Variants in MCF2L2 observed in about 807,000 individuals in gnomAD.
MCF2L2 encodes the protein probable guanine nucleotide exchange factor MCF2L2.
In MCF2L2, 102 loss-of-function variants were observed where a neutral mutation model predicts 150.2. The ratio of observed to expected loss-of-function variants is 0.68; its 90% CI spans 0.58 to 0.80. The LOEUF (loss-of-function observed/expected upper bound fraction) is 0.80, where lower values mean the gene tolerates loss of function less well. Among genes scored for constraint, MCF2L2 ranks in the 30% least tolerant of loss-of-function variants. MCF2L2 has a pLI of 0.00. For missense variants in MCF2L2, 1,256 were observed against 1,372.8 expected (o/e 0.91, Z 1.34); for synonymous variants, 465 against 491.3 (o/e 0.95, Z 0.71).
At chr3:183,245,421 C>G (rs1724206174) in intron 15 of MCF2L2, among the ~76,000 whole-genome samples, 1 of 152,042 alleles carries the variant, frequency 6.6e-6, no homozygotes, top group Non-Finnish European at 1.5e-5. Context: ...TCCAGGCTGC[C>G]CAGAGCAGAG....
chr3:183,282,639 T>C (rs1036167906), intron 14 of MCF2L2, among the ~76,000 whole-genome samples: 1 of 152,034 alleles, frequency 6.6e-6, no homozygotes, highest in Non-Finnish European at 1.5e-5. Flanking sequence ...AAGCTGCCCG[T>C]ACATCTTTGA....
intron 3 of MCF2L2, among the ~76,000 whole-genome samples, chr3:183,362,634 T>C (rs545077385): frequency 1.3e-5 from 2 of 150,948 alleles, no homozygotes; most frequent in African/African-American, 4.9e-5. Flanking sequence ...AGGATACAAA[T>C]CCCTTCCCTT....
At chr3:183,188,348 G>A (rs1721767915) in intron 27 of MCF2L2, among the ~76,000 whole-genome samples, 1 of 152,198 alleles carries the variant, frequency 6.6e-6, no homozygotes, top group South Asian at 2.1e-4. Flanking sequence ...TGGAGACATG[G>A]GGAGAAAACA....
chr3:183,272,267 A>G (rs1726844425), intron 15 of MCF2L2: 7 of 1,000,278 alleles, frequency 7.0e-6, no homozygotes, highest in Non-Finnish European at 8.4e-6. Flanking sequence ...CCTTCACTAC[A>G]GAAAGAACTA....
chr3:183,402,831 G>A (rs555667266), intron 1 of MCF2L2, among the ~76,000 whole-genome samples: 51 of 151,578 alleles, frequency 3.4e-4, no homozygotes, highest in African/African-American at 1.1e-3. Flanking sequence ...AAATGCTACC[G>A]AGGAAACTGA....
intron 1 of MCF2L2, among the ~76,000 whole-genome samples, chr3:183,390,305 TAAGGGGCCTCTTCCTACTGCTA>T (rs1228627993): frequency 6.6e-6 from 1 of 152,178 alleles, no homozygotes; most frequent in East Asian, 1.9e-4. Flanking sequence ...CAGAATACTT[TAAGGGGCCTCTTCCTACTGCTA>T]AATGTATATA....
Position 183,216,574 on chromosome 3 carries a change from ATATATATTTTTTTTTTTTTTTTTTTTTT to A in MCF2L2, c.2371-508_2371-481del, listed in dbSNP as rs1365093674. ...ATATTATATATATATATATATATAT[ATATATATTTTTTTTTTTTTTTTTTTTTT>A]TTTTTTTTTTTTTTGAGAGCGAGAG... On this transcript the variant is annotated intron_variant, in intron 21 of 29. Coordinates refer to ENST00000328913, the MANE Select transcript of MCF2L2 (RefSeq NM_015078.4). Among the ~76,000 whole-genome samples the A allele has an allele frequency of 5.0e-4, 27 of 54,450 alleles. 3 individuals are homozygous for A. The highest frequency in any genetic ancestry group is 1.7e-3 in the East Asian group (5 of 2,900). The allele number at this position is 54,450 out of a possible 152,430, so 35.7% of individuals were successfully genotyped here. A position where few individuals can be genotyped will look rare whatever the true frequency, so the allele number is the denominator to read the frequency against.
intron 2 of MCF2L2, among the ~76,000 whole-genome samples, chr3:183,388,158 T>A (rs1713941384): frequency 6.6e-6 from 1 of 152,242 alleles, no homozygotes; most frequent in South Asian, 2.1e-4. Context: ...TAAATTTGGA[T>A]CATAAATGTA....
At chr3:183,336,191 AAC>A (rs1288765482) in intron 5 of MCF2L2, among the ~76,000 whole-genome samples, 8 of 136,182 alleles carry the variant, frequency 5.9e-5, no homozygotes, top group African/African-American at 2.7e-4. Context: ...ATTCTAAGTA[AAC>A]ATAAATATAT....
At chr3:183,339,253 C>T (rs1460190022) in intron 4 of MCF2L2, among the ~76,000 whole-genome samples, 1 of 152,148 alleles carries the variant, frequency 6.6e-6, no homozygotes, top group Non-Finnish European at 1.5e-5. Context: ...TATAGCCATA[C>T]TTAATATTTC....
At chr3:183,310,884 A>T in intron 9 of MCF2L2, 31 bp downstream of exon 9, 1 of 1,492,610 alleles carries the variant, frequency 6.7e-7, no homozygotes, top group South Asian at 1.1e-5. Context: ...GGTACCAGAA[A>T]AGAAAGTTAC....
Position 183,389,742 on chromosome 3 carries a change from C to A in MCF2L2, c.114G>T (p.Ala38=). 1 of 1,614,136 alleles carries A rather than the reference C, an allele frequency of 6.2e-7. No individual in the cohort carries two copies. The highest frequency in any genetic ancestry group is 8.5e-7 in the Non-Finnish European group (1 of 1,179,996). ...IMQQEVRPLM[A]VEIIEQLHRQ... ...TGTGAAGTTGTTCTATTATCTCCAC[C>A]GCCATCAGGGGTCTGACTTCCTGCT... is the stretch of plus-strand genomic sequence containing the variant. The change falls in exon 2 of 30, where the codon GCG becomes GCT. Residue 38 remains alanine (A), a synonymous_variant. Coordinates refer to ENST00000328913, the MANE Select transcript of MCF2L2 (RefSeq NM_015078.4).
At chr3:183,186,419 A>G (rs553458704) in intron 27 of MCF2L2, among the ~76,000 whole-genome samples, 38 of 152,234 alleles carry the variant, frequency 2.5e-4, no homozygotes, top group Non-Finnish European at 7.4e-5. Flanking sequence ...ATGCCCAGCT[A>G]ATTTTTAAAA....
intron 1 of MCF2L2, among the ~76,000 whole-genome samples, chr3:183,395,029 A>C (rs1350043925): frequency 6.6e-6 from 1 of 152,242 alleles, no homozygotes; most frequent in Non-Finnish European, 1.5e-5. Flanking sequence ...CTAGATTTGA[A>C]GTAGCTTGTC....
chr3:183,269,784 C>G, intron 15 of MCF2L2: 1 of 1,582,818 alleles, frequency 6.3e-7, no homozygotes, highest in Non-Finnish European at 8.6e-7. Flanking sequence ...TAACTAAAAA[C>G]AGACTTGAGT....
In MCF2L2 at chr3:183,195,153, TGACATG is replaced by T. The variant is rs546383800; in HGVS notation, c.2918+63_2918+68del. On this transcript the variant is annotated intron_variant, in intron 26 of 29. Coordinates refer to ENST00000328913, the MANE Select transcript of MCF2L2 (RefSeq NM_015078.4). ...GGGGGAAGAAAAGCAATAAAAGCAA[TGACATG>T]GACTCAATATGAAACATCCAAAGCA... The T allele has an allele frequency of 1.0e-3, 1,244 of 1,199,250 alleles. 5 individuals are homozygous for T. The African/African-American group carries it at 0.018, about 17-fold the overall frequency. The allele number at this position is 1,199,250 out of a possible 1,614,324, so 74.3% of individuals were successfully genotyped here.
At chr3:183,308,469 G>A (rs1045263689) in intron 10 of MCF2L2, among the ~76,000 whole-genome samples, 8 of 152,164 alleles carry the variant, frequency 5.3e-5, no homozygotes, top group African/African-American at 1.9e-4. Context: ...TTTGATAAAT[G>A]TTCCTGATGA....
chr3:183,223,423 G>C lies in MCF2L2; in HGVS notation c.2224C>G (p.Leu742Val). ...CAYFGVCQRQ[L>V]DHNLPLFKYL... ...TTAAAAAGAGGGAGATTGTGATCCAGTTGGCGCTGGCATACCTTTAAAAGC... is the reference window on the plus strand; with the variant it reads ...TTAAAAAGAGGGAGATTGTGATCCACTTGGCGCTGGCATACCTTTAAAAGC... The change falls in exon 20 of 30, where the codon CTG (leucine) becomes GTG (valine). Residue 742 changes from leucine to valine, a missense_variant. Physicochemically the swap from Leu to Val is conservative, Grantham distance 32 (BLOSUM62 1). Transcript: ENST00000328913. The C allele has an allele frequency of 1.2e-6, 2 of 1,613,962 alleles. No homozygotes were observed. Among genetic ancestry groups the C allele is most frequent in the Non-Finnish European group, 1.7e-6 (2 of 1,179,808 alleles).
At chr3:183,412,551 G>T (rs796992818) in intron 1 of MCF2L2, among the ~76,000 whole-genome samples, 1 of 151,674 alleles carries the variant, frequency 6.6e-6, no homozygotes, top group African/African-American at 2.4e-5. Flanking sequence ...CACCCACCTC[G>T]GCCTCCCAAA....
Sources: allele counts gnomAD v4.1 joint callset (sites outside exome capture counted in the v4.1 genomes callset), GRCh38; gene constraint gnomAD v4.1.1; transcripts MANE v1.5; gene names NCBI Gene and HGNC (gene_info 2026-07-23, HGNC 2026-07-21).